Variants in EPS8 observed in about 807,000 individuals in gnomAD.
EPS8 encodes the protein epidermal growth factor receptor kinase substrate 8.
EPS8 carries 42 observed loss-of-function variants against 103.8 expected under a neutral mutation model. The observed-to-expected ratio is 0.40, with a 90% CI of 0.32 to 0.52. The LOEUF is 0.52. Among genes scored for constraint, EPS8 ranks in the 20% least tolerant of loss-of-function variants. The pLI is 0.40. For missense variants in EPS8, 969 were observed against 1,005.1 expected (o/e 0.96, Z 0.49); for synonymous variants, 344 against 344.6 (o/e 1.00, Z 0.02).
chr12:15,648,142 C>T (rs1307665729), intron 14 of EPS8, among the ~76,000 whole-genome samples: 8 of 152,186 alleles, frequency 5.3e-5, no homozygotes, highest in African/African-American at 1.9e-4. Context: ...TTCCAACAGG[C>T]CACGCACTAG....
At position 15,738,743 on chromosome 12, in the gene EPS8, GT is replaced by G. The variant is rs58408455; in HGVS notation, c.-22+50417del. Among the ~76,000 whole-genome samples, 1,700 of 148,544 alleles carry G rather than the reference GT, an allele frequency of 0.011. 27 individuals carry two copies. The highest frequency in any genetic ancestry group is 0.038 in the East Asian group (192 of 5,098). ...CTACAAAAGGACACAGGCCAACTTG[GT>G]TTTTTTTTTGTAATACCAGCAGCTA... On this transcript the variant is annotated intron_variant, in intron 1 of 20. Coordinates refer to ENST00000281172, the MANE Select transcript of EPS8 (RefSeq NM_004447.6). This position sits in a 1 kb window ranked among gnomAD's most constrained non-coding sequence, Gnocchi z 6.2.
Position 15,734,979 on chromosome 12 carries a change from A to G in EPS8, c.-21-52007T>C, listed in dbSNP as rs888970824. 7.9e-5 allele frequency among the ~76,000 whole-genome samples: 12 copies of G among 152,326 alleles called. No homozygotes were observed. Among genetic ancestry groups the G allele is most frequent in the Admixed American group, 2.6e-4 (4 of 15,306 alleles). On this transcript the variant is annotated intron_variant, in intron 1 of 20. Transcript: ENST00000281172. This position sits in a 1 kb window ranked among gnomAD's most constrained non-coding sequence, Gnocchi z 4.1. ...CAAGGAACTAGGGTCACAACACTGA[A>G]GGGCATCTGTAGCACAGCCCAGGTA...
chr12:15,713,533 C>T lies in EPS8; in HGVS notation c.-21-30561G>A, dbSNP rs1391225008. ...CTTAAGTATAGATTGAAATTGGTAA[C>T]AAGATGCCTCTTGAAGGAGAAAGAA... On this transcript the variant is annotated intron_variant, in intron 1 of 20. Transcript: ENST00000281172. The surrounding 1 kb of genome is among the most constrained non-coding windows in gnomAD (Gnocchi z 4.8). 6.6e-6 allele frequency among the ~76,000 whole-genome samples: 1 copy of T among 152,158 alleles called. No individual in the cohort carries two copies. Among genetic ancestry groups the T allele is most frequent in the Middle Eastern group, 3.2e-3 (1 of 316 alleles).
Position 15,663,948 on chromosome 12 carries a change from A to AATAT in EPS8, c.736+1804_736+1807dup, listed in dbSNP as rs58743830. Among the ~76,000 whole-genome samples, 53 of 49,406 alleles carry AATAT rather than the reference A, an allele frequency of 1.1e-3. 2 individuals carry two copies. The highest frequency in any genetic ancestry group is 2.7e-3 in the African/African-American group (45 of 16,844). 32.4% of individuals were successfully genotyped at this position (49,406 alleles called of 152,430 possible). The stretch of plus-strand genomic sequence containing the variant: ...AAAAAAAAAAAAAAAAAAAAAAAAT[A>AATAT]ATATATATATATATATATATATATA... On this transcript the variant is annotated intron_variant, in intron 8 of 20. Coordinates refer to ENST00000281172, the MANE Select transcript of EPS8 (RefSeq NM_004447.6).
Position 15,698,929 on chromosome 12 carries a change from C to T in EPS8, c.-21-15957G>A, listed in dbSNP as rs1946276878. Among the ~76,000 whole-genome samples, 1 of 152,166 alleles carries T rather than the reference C, an allele frequency of 6.6e-6. No individual in the cohort carries two copies. The highest frequency in any genetic ancestry group is 1.5e-5 in the Non-Finnish European group (1 of 68,022). On this transcript the variant is annotated intron_variant, in intron 1 of 20. Transcript: ENST00000281172. This position sits in a 1 kb window ranked among gnomAD's most constrained non-coding sequence, Gnocchi z 4.9. Reference sequence around the variant, plus strand: ...CAAGAATGAAAATCAAAGATTCCAACTAATCAAGGCCCAGATGCTTCAGAT... The same window carrying T: ...CAAGAATGAAAATCAAAGATTCCAATTAATCAAGGCCCAGATGCTTCAGAT...
rs1016655449 is a variant in EPS8, at chr12:15,725,059, G to A, written c.-21-42087C>T. On this transcript the variant is annotated intron_variant, in intron 1 of 20. Transcript: ENST00000281172. This position sits in a 1 kb window ranked among gnomAD's most constrained non-coding sequence, Gnocchi z 4.5. ...AACATCCACAGATCACTCACTCCTA[G>A]GTATCTTGTTAGGAAAAAAAAAAAT... Among the ~76,000 whole-genome samples the A allele has an allele frequency of 1.3e-5, 2 of 151,774 alleles. No homozygotes were observed. Among genetic ancestry groups the A allele is most frequent in the African/African-American group, 4.8e-5 (2 of 41,298 alleles).
chr12:15,641,211 TC>T (rs1945222933), intron 16 of EPS8, among the ~76,000 whole-genome samples: 1 of 152,186 alleles, frequency 6.6e-6, no homozygotes, highest in Non-Finnish European at 1.5e-5. Context: ...TTACTTTTTT[TC>T]CTTACAAAAT....
chr12:15,683,847 C>A (rs960232060), intron 1 of EPS8: 3 of 152,120 alleles, frequency 2.0e-5, no homozygotes, highest in African/African-American at 7.2e-5. Context: ...TATCCTGGAT[C>A]CTGCCTTAGT....
chr12:15,629,574 A>G (rs959017754), intron 18 of EPS8, among the ~76,000 whole-genome samples: 1 of 152,232 alleles, frequency 6.6e-6, no homozygotes, highest in Admixed American at 6.5e-5. Context: ...TTAAAAACTT[A>G]GTAGCATATT....
chr12:15,761,649 A>G lies in EPS8; in HGVS notation c.-22+27512T>C, dbSNP rs532028289. Among the ~76,000 whole-genome samples, 2 of 152,230 alleles carry G rather than the reference A, an allele frequency of 1.3e-5. No individual in the cohort carries two copies. Among genetic ancestry groups the G allele is most frequent in the East Asian group, 3.9e-4 (2 of 5,184 alleles). On this transcript the variant is annotated intron_variant, in intron 1 of 20. Transcript: ENST00000281172. This position sits in a 1 kb window ranked among gnomAD's most constrained non-coding sequence, Gnocchi z 4.5. ...AAATCCACACATCTACAGTCGACTC[A>G]TTTTCAACAAAGGTGCCAAGAACAT... is the stretch of plus-strand genomic sequence containing the variant.
At chr12:15,638,198 T>C (rs895580856) in intron 17 of EPS8, among the ~76,000 whole-genome samples, 1 of 152,140 alleles carries the variant, frequency 6.6e-6, no homozygotes, top group African/African-American at 2.4e-5. Context: ...TAGATATGGG[T>C]ATCTACTGTT....
At chr12:15,742,977 T>C (rs1946840418) in intron 1 of EPS8, among the ~76,000 whole-genome samples, 1 of 152,242 alleles carries the variant, frequency 6.6e-6, no homozygotes. Flanking sequence ...AAATTGTCCC[T>C]GTTTGCAGAT....
At chr12:15,715,589 T>C (rs1259404561) in intron 1 of EPS8, among the ~76,000 whole-genome samples, 1 of 151,914 alleles carries the variant, frequency 6.6e-6, no homozygotes, top group Non-Finnish European at 1.5e-5. Flanking sequence ...TTTCACCATG[T>C]TGACCAGGCT....
At chr12:15,661,346 GGGGT>G (rs1039901046) in intron 9 of EPS8, among the ~76,000 whole-genome samples, 9 of 152,028 alleles carry the variant, frequency 5.9e-5, no homozygotes, top group African/African-American at 2.2e-4. Flanking sequence ...ACTACAAATT[GGGGT>G]TAAACTTTTA....
At chr12:15,644,832 G>A (rs1471551981) in intron 15 of EPS8, among the ~76,000 whole-genome samples, 1 of 152,142 alleles carries the variant, frequency 6.6e-6, no homozygotes, top group East Asian at 1.9e-4. Flanking sequence ...AAACCTCTGT[G>A]TATTTTATAT....
chr12:15,741,561 A>C (rs1477659487), intron 1 of EPS8, among the ~76,000 whole-genome samples: 3 of 152,110 alleles, frequency 2.0e-5, no homozygotes, highest in African/African-American at 4.8e-5. Flanking sequence ...CCTGTCCCTG[A>C]CTTTGTGAGG....
At chr12:15,691,828 C>A (rs1230531412) in intron 1 of EPS8, among the ~76,000 whole-genome samples, 1 of 152,092 alleles carries the variant, frequency 6.6e-6, no homozygotes, top group Non-Finnish European at 1.5e-5. Context: ...TATTTGTCTT[C>A]TGTTTGTTAA....
At chr12:15,786,463 C>T (rs539704164) in intron 1 of EPS8, among the ~76,000 whole-genome samples, 2 of 152,008 alleles carry the variant, frequency 1.3e-5, no homozygotes, top group East Asian at 3.9e-4. Flanking sequence ...TGGTAGGGTC[C>T]TGGAACAGAA....
intron 8 of EPS8, chr12:15,662,645 G>C: frequency 3.0e-6 from 3 of 985,410 alleles, no homozygotes; most frequent in Non-Finnish European, 2.4e-6. Flanking sequence ...AAAGCAGACA[G>C]AAATTTTCAC....
Sources: allele counts gnomAD v4.1 joint callset (sites outside exome capture counted in the v4.1 genomes callset), GRCh38; gene constraint gnomAD v4.1.1; non-coding constraint Gnocchi (gnomAD v3.1); transcripts MANE v1.5; gene names NCBI Gene and HGNC (gene_info 2026-07-23, HGNC 2026-07-21).